Variants in FOXP2 observed in about 807,000 individuals in gnomAD.
The protein encoded by FOXP2 is forkhead box protein P2.
FOXP2 carries 12 observed loss-of-function variants against 115.8 expected under a neutral mutation model. That is an observed-to-expected ratio of 0.10 (90% CI 0.07 to 0.17). FOXP2 has a LOEUF of 0.17. Among genes scored for constraint, FOXP2 ranks in the 10% least tolerant of loss-of-function variants. The probability of loss-of-function intolerance (pLI) is 1.00; values close to 1 mark genes in which losing one functional copy is unlikely to be tolerated. For synonymous variants in FOXP2, 328 were observed against 297.7 expected (o/e 1.10, Z -1.05); for missense variants, 629 against 843.5 (o/e 0.75, Z 3.15).
intron 2 of FOXP2, among the ~76,000 whole-genome samples, chr7:114,470,021 A>G (rs1044015860): frequency 3.9e-5 from 6 of 152,220 alleles, no homozygotes; most frequent in Non-Finnish European, 7.3e-5. Flanking sequence ...AGGAGTTTAT[A>G]GGTAAAATGG....
At chr7:114,200,435 C>G (rs1230439658) in intron 1 of FOXP2, among the ~76,000 whole-genome samples, 2 of 152,136 alleles carry the variant, frequency 1.3e-5, no homozygotes, top group Non-Finnish European at 2.9e-5. Flanking sequence ...GCACATTGTA[C>G]TGAGATGTCT....
intron 2 of FOXP2, chr7:114,498,922 C>A: frequency 1.4e-6 from 1 of 717,940 alleles, no homozygotes; most frequent in Non-Finnish European, 2.6e-6. Context: ...TTGTTAAAGT[C>A]TTTGGATCTA....
At chr7:114,214,723 C>G (rs997692255) in intron 1 of FOXP2, among the ~76,000 whole-genome samples, 14 of 152,146 alleles carry the variant, frequency 9.2e-5, no homozygotes, top group Non-Finnish European at 1.8e-4. Context: ...TGACAAAACC[C>G]ATTCTTTTCC....
rs1246741545 is a variant in FOXP2 at position 114,691,216 on chromosome 7, G to A, written c.*1290G>A. ...AATACATGTTGTTAGAAGATGTCTT[G>A]TATGGTCTTAATCTTTGTTGTGTAC... On this transcript the variant is annotated 3_prime_UTR_variant, in exon 17 of 17. Coordinates refer to ENST00000350908, the MANE Select transcript of FOXP2 (RefSeq NM_014491.4). The A allele has an allele frequency of 2.2e-6, 1 of 453,934 alleles. No homozygotes were observed. Among genetic ancestry groups the A allele is most frequent in the Non-Finnish European group, 4.4e-6 (1 of 226,726 alleles). 28.1% of individuals were successfully genotyped at this position (453,934 alleles called of 1,614,324 possible). A position where few individuals can be genotyped will look rare whatever the true frequency, so the allele number is the denominator to read the frequency against.
chr7:114,142,057 T>C (rs1196292104), intron 1 of FOXP2, among the ~76,000 whole-genome samples: 1 of 152,120 alleles, frequency 6.6e-6, no homozygotes, highest in Non-Finnish European at 1.5e-5. Context: ...TGAGTCTCGC[T>C]CTGTCGCCAG....
intron 2 of FOXP2, among the ~76,000 whole-genome samples, chr7:114,534,079 C>T (rs1419737401): frequency 1.3e-5 from 2 of 151,818 alleles, no homozygotes; most frequent in Non-Finnish European, 2.9e-5. Flanking sequence ...TAAAACTGCA[C>T]TTTATTTTGT....
intron 1 of FOXP2, among the ~76,000 whole-genome samples, chr7:114,418,747 C>T (rs544304986): frequency 1.8e-4 from 27 of 151,284 alleles, no homozygotes; most frequent in East Asian, 9.8e-4. Flanking sequence ...AGGATTCAGG[C>T]GTATATCTTT....
At chr7:114,507,583 G>T (rs796446317) in intron 2 of FOXP2, among the ~76,000 whole-genome samples, 3 of 152,016 alleles carry the variant, frequency 2.0e-5, no homozygotes, top group African/African-American at 7.2e-5. Flanking sequence ...GTCATTGCTT[G>T]CTGGCATTGA....
At chr7:114,184,656 C>T (rs1793547331) in intron 1 of FOXP2, among the ~76,000 whole-genome samples, 2 of 152,084 alleles carry the variant, frequency 1.3e-5, no homozygotes, top group African/African-American at 4.8e-5. Flanking sequence ...ATGAGACATG[C>T]AGCACCCAGA....
At chr7:114,399,964 C>G (rs907503962) in intron 2 of FOXP2, among the ~76,000 whole-genome samples, 7 of 147,900 alleles carry the variant, frequency 4.7e-5, no homozygotes, top group African/African-American at 1.8e-4. Flanking sequence ...TCAAGCGATT[C>G]TCCTGCCTCA....
chr7:114,629,390 C>A (rs1034124068), intron 4 of FOXP2, among the ~76,000 whole-genome samples: 38 of 152,144 alleles, frequency 2.5e-4, no homozygotes, highest in African/African-American at 8.9e-4. Context: ...GTAAATCTGA[C>A]ATTGTTCTGA....
At chr7:114,440,880 C>T (rs1028463456) in intron 2 of FOXP2, among the ~76,000 whole-genome samples, 1 of 150,386 alleles carries the variant, frequency 6.6e-6, no homozygotes, top group Non-Finnish European at 1.5e-5. Context: ...AGGAATAGAA[C>T]CAAAAAAAGA....
chr7:114,423,124 A>T (rs1380412216), intron 1 of FOXP2, among the ~76,000 whole-genome samples: 1 of 151,728 alleles, frequency 6.6e-6, no homozygotes, highest in Non-Finnish European at 1.5e-5. Context: ...GCAATTTGAA[A>T]CATGTCAAAC....
chr7:114,580,887 T>C (rs932391200), intron 3 of FOXP2, among the ~76,000 whole-genome samples: 1 of 152,054 alleles, frequency 6.6e-6, no homozygotes, highest in Non-Finnish European at 1.5e-5. Flanking sequence ...GGAAGTCATA[T>C]AATATACAGG....
chr7:114,311,536 A>G (rs1301951704), intron 2 of FOXP2, among the ~76,000 whole-genome samples: 1 of 152,132 alleles, frequency 6.6e-6, no homozygotes, highest in Admixed American at 6.5e-5. Context: ...AGAGTCCCCC[A>G]GTGCAAACCC....
At chr7:114,606,550 T>C (rs568434889) in intron 3 of FOXP2, among the ~76,000 whole-genome samples, 1 of 152,354 alleles carries the variant, frequency 6.6e-6, no homozygotes, top group South Asian at 2.1e-4. Flanking sequence ...TTTATATAAC[T>C]AGTTTTTTAA....
At chr7:114,213,936 T>G (rs1563008188) in intron 1 of FOXP2, among the ~76,000 whole-genome samples, 1 of 152,148 alleles carries the variant, frequency 6.6e-6, no homozygotes, top group Non-Finnish European at 1.5e-5. Context: ...TAAAGAAGAC[T>G]ATAGGAGAAA....
chr7:114,498,770 T>C lies in FOXP2; in HGVS notation c.169-35847T>C, dbSNP rs1040486098. 4.3e-6 allele frequency: 3 copies of C among 696,160 alleles called. No individual in the cohort carries two copies. In the African/African-American group the frequency reaches 5.3e-5, roughly 12 times the overall value. 43.1% of individuals were successfully genotyped at this position (696,160 alleles called of 1,614,324 possible). On this transcript the variant is annotated intron_variant, in intron 2 of 16. Coordinates refer to ENST00000350908, the MANE Select transcript of FOXP2 (RefSeq NM_014491.4). ...TTCAGCAGCATCTTATTTAATTTTA[T>C]AGGCATACTTTGCAAATAATTTTTT...
At chr7:114,233,427 A>G (rs1239304594) in intron 1 of FOXP2, among the ~76,000 whole-genome samples, 2 of 152,226 alleles carry the variant, frequency 1.3e-5, no homozygotes, top group East Asian at 3.8e-4. Flanking sequence ...ATGCATGCTC[A>G]AAAGTAGTTA....
Sources: gnomAD v4.1 joint callset for allele counts (sites outside exome capture counted in the v4.1 genomes callset) on GRCh38, gnomAD v4.1.1 for gene constraint, MANE v1.5 for transcripts, NCBI Gene and HGNC (gene_info 2026-07-23, HGNC 2026-07-21) for gene names.